The following NIPBL variants were observed in gnomAD, a reference collection of about 807,000 sequenced individuals.
NIPBL encodes NIPBL cohesin loading factor.
Under a neutral mutation model 321.8 loss-of-function variants are expected in NIPBL, and 19 were observed. That is an observed-to-expected ratio of 0.06 (90% CI 0.04 to 0.09). The LOEUF is 0.09. Among genes scored for constraint, NIPBL ranks in the 10% least tolerant of loss-of-function variants. The pLI is 1.00. For synonymous variants in NIPBL, 1,106 were observed against 1,114.1 expected (o/e 0.99, Z 0.14); for missense variants, 2,210 against 3,327.0 (o/e 0.66, Z 8.26).
chr5:37,012,674 G>GGAGCATGCTGCCTTC (rs1416276431), intron 21 of NIPBL, among the ~76,000 whole-genome samples: 2 of 147,768 alleles, frequency 1.4e-5, no homozygotes, highest in African/African-American at 4.9e-5. Context: ...TGACTCTTAA[G>GGAGCATGCTGCCTTC]GAGCATGCTG....
At chr5:36,962,556 G>A (rs984682578) in intron 6 of NIPBL, among the ~76,000 whole-genome samples, 12 of 152,118 alleles carry the variant, frequency 7.9e-5, no homozygotes, top group African/African-American at 2.2e-4. Context: ...GAAGAACTGC[G>A]TTTTTAAAAA....
Position 36,999,828 on chromosome 5 carries a change from A to G in NIPBL, c.3305-545A>G, listed in dbSNP as rs115451693. 2.1e-3 allele frequency among the ~76,000 whole-genome samples: 318 copies of G among 152,326 alleles called. 1 individual carries two copies. Among genetic ancestry groups the G allele is most frequent in the African/African-American group, 7.4e-3 (306 of 41,568 alleles). ...TTTTTTCTGTCTCAGTAGGCTTGTCATGTTAGGTCACCAGGGCTTATGGAA... is the reference window on the plus strand; with the variant it reads ...TTTTTTCTGTCTCAGTAGGCTTGTCGTGTTAGGTCACCAGGGCTTATGGAA... On this transcript the variant is annotated intron_variant, in intron 11 of 46. Transcript: ENST00000282516.
intron 20 of NIPBL, among the ~76,000 whole-genome samples, chr5:37,009,875 C>T (rs1747901971): frequency 6.6e-6 from 1 of 152,102 alleles, no homozygotes; most frequent in South Asian, 2.1e-4. Context: ...CTGTATTTTT[C>T]CTTTGACTAT....
chr5:37,041,455 G>C (rs1213621862), intron 34 of NIPBL, among the ~76,000 whole-genome samples: 1 of 151,618 alleles, frequency 6.6e-6, no homozygotes, highest in East Asian at 1.9e-4. Flanking sequence ...AGTAGAGACG[G>C]GGTTTCACTA....
chr5:36,992,888 A>T (rs188488), intron 10 of NIPBL, among the ~76,000 whole-genome samples: 1 of 151,192 alleles, frequency 6.6e-6, no homozygotes, highest in South Asian at 2.1e-4. Context: ...GACTACAGGC[A>T]CCCGCCACCA....
intron 9 of NIPBL, among the ~76,000 whole-genome samples, chr5:36,976,974 G>GT (rs1743545492): frequency 6.6e-6 from 1 of 152,014 alleles, no homozygotes; most frequent in African/African-American, 2.4e-5. Context: ...TTACAGTGAA[G>GT]TGTTCCCTTT....
chr5:36,997,184 A>C (rs1391937225), intron 11 of NIPBL, among the ~76,000 whole-genome samples: 1 of 152,042 alleles, frequency 6.6e-6, no homozygotes, highest in South Asian at 2.1e-4. Context: ...CATTCCCTTT[A>C]ATATACATGC....
Position 36,986,056 on chromosome 5 carries a change from C to T in NIPBL, c.2876C>T (p.Pro959Leu). ...GGTGCGTTGAAAAATTTTGTCATTC[C>T]GAAAATCAAGAGGGATAAAGATGGC... ...RSGALKNFVI[P>L]KIKRDKDGNV... The change falls in exon 10 of 47, where the codon CCG becomes CTG. Residue 959 changes from proline to leucine, a missense_variant. Physicochemically the swap from Pro to Leu is moderately conservative, Grantham distance 98. Transcript: ENST00000282516. 6.2e-7 allele frequency: 1 copy of T among 1,613,360 alleles called. No homozygotes were observed. The highest frequency in any genetic ancestry group is 8.5e-7 in the Non-Finnish European group (1 of 1,179,774).
intron 1 of NIPBL, among the ~76,000 whole-genome samples, chr5:36,878,556 C>G (rs1745269587): frequency 6.6e-6 from 1 of 152,210 alleles, no homozygotes. Context: ...AGCAGCACTG[C>G]TCAGCGAAAT....
intron 11 of NIPBL, among the ~76,000 whole-genome samples, chr5:36,997,583 A>G (rs1309157400): frequency 6.6e-6 from 1 of 152,156 alleles, no homozygotes; most frequent in Admixed American, 6.6e-5. Context: ...GAAAGGTAAT[A>G]TTTATTTTAA....
At chr5:36,974,098 T>C (rs865810244) in intron 8 of NIPBL, among the ~76,000 whole-genome samples, 1 of 152,160 alleles carries the variant, frequency 6.6e-6, no homozygotes, top group Non-Finnish European at 1.5e-5. Context: ...CCACAAGTGT[T>C]GTCAAGGTGA....
intron 8 of NIPBL, among the ~76,000 whole-genome samples, chr5:36,974,777 T>G (rs981818683): frequency 4.6e-5 from 7 of 152,142 alleles, no homozygotes; most frequent in Non-Finnish European, 8.8e-5. Context: ...GGAAAAAGAC[T>G]GAAAGCTTAA....
chr5:37,037,261 G>T (rs191145060), intron 33 of NIPBL, among the ~76,000 whole-genome samples: 6 of 151,326 alleles, frequency 4.0e-5, no homozygotes, highest in Non-Finnish European at 7.4e-5. Flanking sequence ...GGTTTTGGGC[G>T]CCTGTAGTCC....
intron 29 of NIPBL, among the ~76,000 whole-genome samples, chr5:37,023,775 T>TTTTTTTTTTTTTTTTTTTTTTTTTTTTTA (rs1554026119): frequency 7.2e-6 from 1 of 138,872 alleles, no homozygotes; most frequent in Non-Finnish European, 1.5e-5. Flanking sequence ...TTTTTTTTTT[T>TTTTTTTTTTTTTTTTTTTTTTTTTTTTTA]ACATCCCATA....
At chr5:36,979,543 T>G (rs931402066) in intron 9 of NIPBL, among the ~76,000 whole-genome samples, 3 of 151,818 alleles carry the variant, frequency 2.0e-5, no homozygotes, top group African/African-American at 7.2e-5. Context: ...AGAGATAATT[T>G]GACTTCCTCT....
At chr5:36,916,354 A>G (rs948858828) in intron 1 of NIPBL, among the ~76,000 whole-genome samples, 2 of 152,252 alleles carry the variant, frequency 1.3e-5, no homozygotes, top group Admixed American at 6.5e-5. Context: ...TAACAATACA[A>G]TTAATTAGCA....
chr5:37,023,705 T>A (rs1561174232), intron 29 of NIPBL, among the ~76,000 whole-genome samples: 1 of 151,776 alleles, frequency 6.6e-6, no homozygotes, highest in African/African-American at 2.4e-5. Context: ...GGTAATACAT[T>A]GCATTTGGGG....
At chr5:37,063,412 A>G (rs1755008939) in intron 45 of NIPBL, among the ~76,000 whole-genome samples, 1 of 152,218 alleles carries the variant, frequency 6.6e-6, no homozygotes. Flanking sequence ...GAAAATGTCT[A>G]TCAGTAATTA....
In NIPBL at chr5:37,010,093, C is replaced by T. The variant is rs1747931982; in HGVS notation, c.4428C>T (p.Asn1476=). Reference sequence around the variant, plus strand: ...TTTTTTTTCTTCATTAAAGGTTAAACAGTAGTGATATGGATGGAGAACCTA... The same window carrying T: ...TTTTTTTTCTTCATTAAAGGTTAAATAGTAGTGATATGGATGGAGAACCTA... ...SKRSLRNFRL[N]SSDMDGEPMY... is the part of the protein sequence containing the mutation. The change falls in exon 21 of 47, where the codon AAC becomes AAT. Residue 1476 remains asparagine, a synonymous_variant. Transcript: ENST00000282516. 2 of 1,610,040 alleles carry T rather than the reference C, an allele frequency of 1.2e-6. No homozygotes were observed. The highest frequency in any genetic ancestry group is 1.7e-6 in the Non-Finnish European group (2 of 1,176,780).
Sources: gnomAD v4.1 joint callset for allele counts (sites outside exome capture counted in the v4.1 genomes callset) on GRCh38, gnomAD v4.1.1 for gene constraint, MANE v1.5 for transcripts, NCBI Gene and HGNC (gene_info 2026-07-23, HGNC 2026-07-21) for gene names.